The following LPP variants were observed in gnomAD, a reference collection of about 807,000 sequenced individuals.
The protein encoded by LPP is lipoma-preferred partner.
Under a neutral mutation model 60.4 loss-of-function variants are expected in LPP, and 38 were observed. That is an observed-to-expected ratio of 0.63 (90% confidence interval 0.49 to 0.83). The LOEUF (loss-of-function observed/expected upper bound fraction) is 0.83, where lower values mean the gene tolerates loss of function less well. Among genes scored for constraint, LPP ranks in the 40% least tolerant of loss-of-function variants. The pLI, the probability that LPP is intolerant of heterozygous loss-of-function variation, is 0.00. For missense variants in LPP, 902 were observed against 783.6 expected, an observed-to-expected ratio of 1.15 and a Z score of -1.80; for synonymous variants, 328 against 290.8, an observed-to-expected ratio of 1.13 and a Z score of -1.30.
At chr3:188,439,616 G>A (rs1035314647) in intron 4 of LPP, among the ~76,000 whole-genome samples, 1 of 152,070 alleles carries the variant, frequency 6.6e-6, no homozygotes, top group African/African-American at 2.4e-5. Flanking sequence ...TTTTATACCT[G>A]GCTTTATGTT....
chr3:188,377,845 C>G (rs148241949), intron 3 of LPP, among the ~76,000 whole-genome samples: 2 of 151,930 alleles, frequency 1.3e-5, no homozygotes, highest in African/African-American at 2.4e-5. Flanking sequence ...TTTTATGTAC[C>G]TTTGGTCTTT....
chr3:188,884,937 T>G lies in LPP; in HGVS notation c.*10458T>G, dbSNP rs185018930. 9.6e-5 allele frequency: 21 copies of G among 219,576 alleles called. No individual in the cohort carries two copies. The highest frequency in any genetic ancestry group is 4.7e-4 in the African/African-American group (21 of 44,702). 13.6% of individuals were successfully genotyped at this position (219,576 alleles called of 1,614,324 possible). ...ATTTGGCCTTTGCCATTTGATAGAC[T>G]TTGCTTCCCAGGATGCTGTCATTTT... On this transcript the variant is annotated 3_prime_UTR_variant, in exon 12 of 12. Coordinates refer to ENST00000617246, the MANE Select transcript of LPP (RefSeq NM_001375462.1).
At chr3:188,345,445 A>G (rs1764080288) in intron 3 of LPP, among the ~76,000 whole-genome samples, 1 of 152,160 alleles carries the variant, frequency 6.6e-6, no homozygotes, top group Non-Finnish European at 1.5e-5. Context: ...TTTCTGAATC[A>G]GTGAATTATA....
intron 9 of LPP, among the ~76,000 whole-genome samples, chr3:188,852,367 T>C (rs1204062357): frequency 2.0e-5 from 3 of 152,126 alleles, no homozygotes; most frequent in African/African-American, 7.2e-5. Context: ...TCTCCAGCTT[T>C]GGGATAACCT....
intron 4 of LPP, among the ~76,000 whole-genome samples, chr3:188,451,224 T>A (rs2149350278): frequency 6.6e-6 from 1 of 152,320 alleles, no homozygotes; most frequent in East Asian, 1.9e-4. Context: ...TTTCTGCTTC[T>A]TTTCCATACA....
intron 6 of LPP, among the ~76,000 whole-genome samples, chr3:188,565,139 TCAATGTCTGATC>T (rs1478076185): frequency 1.3e-5 from 2 of 151,952 alleles, no homozygotes; most frequent in Non-Finnish European, 2.9e-5. Flanking sequence ...TGGTTTGGGT[TCAATGTCTGATC>T]CAACTAGCTG....
chr3:188,797,089 A>T (rs978985168), intron 9 of LPP, among the ~76,000 whole-genome samples: 2 of 151,360 alleles, frequency 1.3e-5, no homozygotes, highest in Non-Finnish European at 2.9e-5. Context: ...AATAGCCGTT[A>T]GAGGGAATTG....
chr3:188,472,351 T>C (rs906664685), intron 4 of LPP, among the ~76,000 whole-genome samples: 22 of 152,102 alleles, frequency 1.4e-4, no homozygotes, highest in Non-Finnish European at 2.4e-4. Context: ...AGTAAATTTT[T>C]AGAGCAAGTA....
intron 4 of LPP, among the ~76,000 whole-genome samples, chr3:188,445,322 A>G (rs1794971212): frequency 6.6e-6 from 1 of 152,214 alleles, no homozygotes; most frequent in African/African-American, 2.4e-5. Context: ...AAAAAGGATG[A>G]GTTCATGTCC....
chr3:188,176,682 G>A lies in LPP; in HGVS notation c.-190+22430G>A, dbSNP rs577615242. On this transcript the variant is annotated intron_variant, in intron 1 of 11. Coordinates refer to ENST00000617246, the MANE Select transcript of LPP (RefSeq NM_001375462.1). ...TTTAGACTAGTGGTATAGCAGTGCA[G>A]TAGTCTGAAAACATTTTCTCATCTG... Among the ~76,000 whole-genome samples, 19 of 152,260 alleles carry A rather than the reference G, an allele frequency of 1.2e-4. No homozygotes were observed. In the South Asian group the frequency reaches 1.9e-3, roughly 15 times the overall value.
At chr3:188,663,452 T>A (rs1373292156) in intron 7 of LPP, among the ~76,000 whole-genome samples, 1 of 152,250 alleles carries the variant, frequency 6.6e-6, no homozygotes, top group Non-Finnish European at 1.5e-5. Context: ...GATAAAACTC[T>A]TTCAAACAAG....
At chr3:188,635,451 G>C (rs1848550612) in intron 7 of LPP, among the ~76,000 whole-genome samples, 1 of 152,192 alleles carries the variant, frequency 6.6e-6, no homozygotes, top group Non-Finnish European at 1.5e-5. Context: ...CACAAATATT[G>C]TGAGAACAGG....
intron 6 of LPP, among the ~76,000 whole-genome samples, chr3:188,536,978 T>G (rs1425735998): frequency 6.6e-6 from 1 of 152,240 alleles, no homozygotes; most frequent in African/African-American, 2.4e-5. Flanking sequence ...TTATGTTTTA[T>G]TTCCCAAATG....
At chr3:188,312,178 G>T (rs1241432620) in intron 2 of LPP, among the ~76,000 whole-genome samples, 1 of 151,642 alleles carries the variant, frequency 6.6e-6, no homozygotes, top group Admixed American at 6.6e-5. Context: ...AACACACACA[G>T]ATATGTATTT....
intron 9 of LPP, among the ~76,000 whole-genome samples, chr3:188,766,225 A>G (rs1734072839): frequency 6.6e-6 from 1 of 151,824 alleles, no homozygotes; most frequent in Non-Finnish European, 1.5e-5. Flanking sequence ...TCAGATTTAA[A>G]ATCAGGTATA....
chr3:188,879,654 G>T lies in LPP; in HGVS notation c.*5175G>T, dbSNP rs550742774. Reference sequence around the variant, plus strand: ...ATTTTTTTTTTAAGTCTGAAGCAATGTAACCCCAAAAAATTATAATTTTAA... The same window carrying T: ...ATTTTTTTTTTAAGTCTGAAGCAATTTAACCCCAAAAAATTATAATTTTAA... On this transcript the variant is annotated 3_prime_UTR_variant, in exon 12 of 12. Coordinates refer to ENST00000617246, the MANE Select transcript of LPP (RefSeq NM_001375462.1). 8 of 184,060 alleles carry T rather than the reference G, an allele frequency of 4.3e-5. No individual in the cohort carries two copies. Among genetic ancestry groups the T allele is most frequent in the Non-Finnish European group, 6.9e-5 (6 of 86,808 alleles). The allele number at this position is 184,060 out of a possible 1,614,324, so 11.4% of individuals were successfully genotyped here. A position where few individuals can be genotyped will look rare whatever the true frequency, so the allele number is the denominator to read the frequency against.
intron 4 of LPP, among the ~76,000 whole-genome samples, chr3:188,421,022 C>T (rs1403117667): frequency 1.3e-5 from 2 of 152,078 alleles, no homozygotes; most frequent in Non-Finnish European, 2.9e-5. Flanking sequence ...GATGGTACCC[C>T]CTCACCCCCC....
In LPP at chr3:188,524,780, C is replaced by T; in HGVS notation, c.422C>T (p.Pro141Leu). 6.2e-7 allele frequency: 1 copy of T among 1,613,838 alleles called. No individual in the cohort carries two copies. Among genetic ancestry groups the T allele is most frequent in the Non-Finnish European group, 8.5e-7 (1 of 1,179,866 alleles). The change falls in exon 6 of 12, where the codon CCT becomes CTT. Residue 141 changes from proline (P) to leucine (L), a missense_variant. Coordinates refer to ENST00000617246, the MANE Select transcript of LPP (RefSeq NM_001375462.1). ...TGCAGCTCCCCCTATAAGCCTCGGC[C>T]TCCACAGGTTAGTGCAGCCCACAAT... ...LECSSPYKPR[P>L]PQSSTGSTAS...
In LPP at chr3:188,266,502, A is replaced by T. The variant is rs1282871888; in HGVS notation, c.-67+40975A>T. ...GAGAGAGAGAGCGCGAGAGAGACAG[A>T]AGAGAAGAGGAGAGGGGAGGGGAGG... On this transcript the variant is annotated intron_variant, in intron 2 of 11. Coordinates refer to ENST00000617246, the MANE Select transcript of LPP (RefSeq NM_001375462.1). Among the ~76,000 whole-genome samples, 4 of 149,858 alleles carry T rather than the reference A, an allele frequency of 2.7e-5. No homozygotes were observed. The East Asian group carries it at 7.7e-4, about 29-fold the overall frequency.
Sources: gnomAD v4.1 joint callset for allele counts (sites outside exome capture counted in the v4.1 genomes callset) on GRCh38, gnomAD v4.1.1 for gene constraint, MANE v1.5 for transcripts, NCBI Gene and HGNC (gene_info 2026-07-23, HGNC 2026-07-21) for gene names.